ATP2B1: variants seen among roughly 807,000 people sequenced by gnomAD.
ATP2B1 encodes plasma membrane calcium-transporting ATPase 1.
In ATP2B1, 14 loss-of-function variants were observed where a neutral mutation model predicts 124.2. The observed-to-expected ratio is 0.11, with a 90% CI of 0.07 to 0.18. The LOEUF (loss-of-function observed/expected upper bound fraction) is 0.18. Among genes scored for constraint, ATP2B1 ranks in the 10% least tolerant of loss-of-function variants. The probability of loss-of-function intolerance (pLI) is 1.00; values close to 1 mark genes in which losing one functional copy is unlikely to be tolerated. For missense variants in ATP2B1, 763 were observed against 1,466.1 expected (o/e 0.52, Z 7.83); for synonymous variants, 449 against 492.4 (o/e 0.91, Z 1.17).
At chr12:89,608,514 T>TA (rs780881059) in intron 15 of ATP2B1, among the ~76,000 whole-genome samples, 8,747 of 142,338 alleles carry the variant, frequency 0.061, 287 homozygotes, top group African/African-American at 0.065. Flanking sequence ...TGTTATCATT[T>TA]AAAAAAAAAA....
chr12:89,598,782 G>A (rs1317483401), intron 20 of ATP2B1: 3 of 1,491,220 alleles, frequency 2.0e-6, no homozygotes, highest in Non-Finnish European at 2.7e-6. Context: ...TGCTCAGCAA[G>A]AGAGAGAGAG....
At chr12:89,635,410 A>T (rs1038239464) in intron 3 of ATP2B1, among the ~76,000 whole-genome samples, 159 bp from the exon 4 acceptor site, 1 of 152,118 alleles carries the variant, frequency 6.6e-6, no homozygotes, top group Non-Finnish European at 1.5e-5. Flanking sequence ...TAAGAACTCT[A>T]TGTCACTTTC....
At position 89,590,509 on chromosome 12, in the gene ATP2B1, C is replaced by T. The variant is rs1367848369; in HGVS notation, c.*475G>A. On this transcript the variant is annotated 3_prime_UTR_variant, in exon 21 of 21. Transcript: ENST00000428670. ...GAAGCTTCCCATCTATGAACAGGAA[C>T]AAAAAAAGTATCTACAAACCTTGTA... The T allele has an allele frequency of 6.7e-6, 1 of 149,944 alleles. No homozygotes were observed. The highest frequency in any genetic ancestry group is 2.1e-4 in the South Asian group (1 of 4,780). 9.3% of individuals were successfully genotyped at this position (149,944 alleles called of 1,614,324 possible).
intron 1 of ATP2B1, among the ~76,000 whole-genome samples, chr12:89,657,573 T>C (rs956416764): frequency 6.6e-6 from 1 of 152,218 alleles, no homozygotes; most frequent in Non-Finnish European, 1.5e-5. Context: ...TCTTCAGCTA[T>C]GAAACTGCTA....
At chr12:89,662,860 C>T (rs1886867237) in intron 1 of ATP2B1, among the ~76,000 whole-genome samples, 3 of 152,012 alleles carry the variant, frequency 2.0e-5, no homozygotes, top group Non-Finnish European at 4.4e-5. Context: ...CAGCTGCTGT[C>T]AGTTATAAAC....
intron 20 of ATP2B1, among the ~76,000 whole-genome samples, chr12:89,592,577 TTA>T (rs1401223034): frequency 6.6e-6 from 1 of 152,006 alleles, no homozygotes; most frequent in Admixed American, 6.6e-5. Flanking sequence ...ACTTAGCCCT[TTA>T]TATAGAGAGT....
intron 2 of ATP2B1, 41 bp from the exon 3 acceptor site, chr12:89,642,396 T>C: frequency 5.9e-6 from 9 of 1,532,584 alleles, no homozygotes; most frequent in Non-Finnish European, 8.0e-6. Flanking sequence ...GTTTTACTTC[T>C]TACAAATGAA....
intron 8 of ATP2B1, among the ~76,000 whole-genome samples, chr12:89,624,671 G>A (rs1053664738): frequency 2.0e-5 from 3 of 152,046 alleles, no homozygotes; most frequent in Non-Finnish European, 4.4e-5. Context: ...CTGAAACTAA[G>A]ACAAAATAAT....
At chr12:89,659,921 A>AAAAAAAAAAC (rs1177829044) in intron 1 of ATP2B1, among the ~76,000 whole-genome samples, 41 of 150,762 alleles carry the variant, frequency 2.7e-4, no homozygotes, top group Non-Finnish European at 5.6e-4. Context: ...GACTCAAAAA[A>AAAAAAAAAAC]AAAAAAAAAC....
At chr12:89,690,954 T>C (rs990890594) in intron 1 of ATP2B1, among the ~76,000 whole-genome samples, 8 of 152,138 alleles carry the variant, frequency 5.3e-5, no homozygotes, top group African/African-American at 1.9e-4. Context: ...CCATCAATCT[T>C]TGGGTAAATT....
In ATP2B1 at chr12:89,708,627, G is replaced by C. The variant is rs574140012; in HGVS notation, c.-253C>G. On this transcript the variant is annotated 5_prime_UTR_variant, in exon 1 of 21. Coordinates refer to ENST00000428670, the MANE Select transcript of ATP2B1 (RefSeq NM_001366521.1). ...CGGCAGTGGGAACCATTTTCCGAGG[G>C]GGAAGGAAAGGCAGGCTGCGGGAGG... is the stretch of plus-strand genomic sequence containing the variant. 6.6e-6 allele frequency: 1 copy of C among 151,952 alleles called. No homozygotes were observed. The highest frequency in any genetic ancestry group is 2.1e-4 in the South Asian group (1 of 4,822). The allele number at this position is 151,952 out of a possible 1,614,324, so 9.4% of individuals were successfully genotyped here.
intron 2 of ATP2B1, among the ~76,000 whole-genome samples, chr12:89,650,912 G>GA (rs934979276): frequency 1.5e-4 from 22 of 150,750 alleles, no homozygotes; most frequent in African/African-American, 4.4e-4. Context: ...AGATACAGAA[G>GA]AAAAAAAAAC....
chr12:89,704,113 T>C (rs1892171400), intron 1 of ATP2B1, among the ~76,000 whole-genome samples: 2 of 152,136 alleles, frequency 1.3e-5, no homozygotes, highest in African/African-American at 4.8e-5. Flanking sequence ...AATGAATATT[T>C]CAAAGAGATT....
rs543242383 is a variant in ATP2B1, at chr12:89,614,028, C to T, written c.2068-2656G>A. On this transcript the variant is annotated intron_variant, in intron 12 of 20. Transcript: ENST00000428670. Reference sequence around the variant, plus strand: ...ATTTTGTGATACTGAAAAACAAGTGCCATTTACATGCTTTAAAAAAGATAA... The same window carrying T: ...ATTTTGTGATACTGAAAAACAAGTGTCATTTACATGCTTTAAAAAAGATAA... Among the ~76,000 whole-genome samples, 427 of 152,232 alleles carry T rather than the reference C, an allele frequency of 2.8e-3. 2 individuals carry two copies. Among genetic ancestry groups the T allele is most frequent in the Non-Finnish European group, 4.6e-3 (311 of 68,018 alleles).
chr12:89,601,661 A>C (rs1197050945), intron 18 of ATP2B1, among the ~76,000 whole-genome samples: 1 of 152,108 alleles, frequency 6.6e-6, no homozygotes, highest in Non-Finnish European at 1.5e-5. Context: ...ATAAAGTAAA[A>C]TCTCTGCCCA....
rs931453054 is a variant in ATP2B1, at chr12:89,590,895, T to C, written c.*89A>G. 2 of 1,245,646 alleles carry C rather than the reference T, an allele frequency of 1.6e-6. No homozygotes were observed. Among genetic ancestry groups the C allele is most frequent in the African/African-American group, 3.0e-5 (2 of 66,248 alleles). The allele number at this position is 1,245,646 out of a possible 1,614,324, so 77.2% of individuals were successfully genotyped here. On this transcript the variant is annotated 3_prime_UTR_variant, in exon 21 of 21. Transcript: ENST00000428670. Reference sequence around the variant, plus strand: ...TTCTGTTGAAGTCCAAAGACAAGAATACTAGCTTGTCCATCACAATATGTG... The same window carrying C: ...TTCTGTTGAAGTCCAAAGACAAGAACACTAGCTTGTCCATCACAATATGTG...
intron 3 of ATP2B1, among the ~76,000 whole-genome samples, chr12:89,637,631 T>C (rs1331421573): frequency 6.6e-6 from 1 of 152,178 alleles, no homozygotes. Context: ...ACTCCTGGCC[T>C]CAAGCAATCC....
At chr12:89,691,507 T>C (rs895357596) in intron 1 of ATP2B1, among the ~76,000 whole-genome samples, 1 of 152,154 alleles carries the variant, frequency 6.6e-6, no homozygotes, top group African/African-American at 2.4e-5. Flanking sequence ...CTTTATTAAA[T>C]ACTTTACACA....
chr12:89,623,072 T>C (rs1231144559), intron 9 of ATP2B1, among the ~76,000 whole-genome samples: 5 of 13,464 alleles, frequency 3.7e-4, no homozygotes, highest in Non-Finnish European at 1.0e-3. Flanking sequence ...TTTGATACAT[T>C]TACTTTATTT....
Sources: allele counts gnomAD v4.1 joint callset (sites outside exome capture counted in the v4.1 genomes callset), GRCh38; gene constraint gnomAD v4.1.1; transcripts MANE v1.5; gene names NCBI Gene and HGNC (gene_info 2026-07-23, HGNC 2026-07-21).